Variants in ADGRA3 observed in about 807,000 individuals in gnomAD.
ADGRA3 encodes G-protein coupled receptor 125.
ADGRA3 carries 56 observed loss-of-function variants against 119.8 expected under a neutral mutation model. The ratio of observed to expected loss-of-function variants is 0.47; its 90% CI spans 0.38 to 0.58. ADGRA3 has a LOEUF of 0.58. ADGRA3 is among the 20% of genes least tolerant of loss of function. The pLI, the probability that ADGRA3 is intolerant of heterozygous loss-of-function variation, is 0.00. For synonymous variants in ADGRA3, 607 were observed against 623.8 expected, an observed-to-expected ratio of 0.97 and a Z score of 0.40; for missense variants, 1,516 against 1,649.0, an observed-to-expected ratio of 0.92 and a Z score of 1.40.
chr4:22,431,129 T>C (rs1215191985), intron 10 of ADGRA3, among the ~76,000 whole-genome samples: 1 of 151,716 alleles, frequency 6.6e-6, no homozygotes, highest in South Asian at 2.1e-4. Flanking sequence ...GCTAGGGGAG[T>C]GCAGAAGGGA....
At chr4:22,502,734 A>G (rs1719093233) in intron 1 of ADGRA3, among the ~76,000 whole-genome samples, 1 of 152,078 alleles carries the variant, frequency 6.6e-6, no homozygotes, top group Non-Finnish European at 1.5e-5. Context: ...GAAAAAAAAA[A>G]ATCTGGGTGA....
chr4:22,495,297 C>A (rs141128502), intron 1 of ADGRA3, among the ~76,000 whole-genome samples: 2 of 152,028 alleles, frequency 1.3e-5, no homozygotes, highest in Non-Finnish European at 2.9e-5. Context: ...CTTATGGCTG[C>A]GCACAGTGGC....
At chr4:22,468,224 T>C (rs1717731196) in intron 2 of ADGRA3, among the ~76,000 whole-genome samples, 1 of 152,190 alleles carries the variant, frequency 6.6e-6, no homozygotes, top group Non-Finnish European at 1.5e-5. Context: ...TAGGAAATCT[T>C]TCTCCAAACC....
At chr4:22,514,818 G>A (rs1009041851) in intron 1 of ADGRA3, among the ~76,000 whole-genome samples, 2 of 152,098 alleles carry the variant, frequency 1.3e-5, no homozygotes. Flanking sequence ...TTCCTTCCAG[G>A]TGGAAACTCA....
intron 1 of ADGRA3, among the ~76,000 whole-genome samples, chr4:22,500,562 C>T (rs780030670): frequency 2.6e-5 from 4 of 151,988 alleles, no homozygotes; most frequent in Admixed American, 6.6e-5. Context: ...TGGGAGTTCA[C>T]GAATATTACC....
At chr4:22,389,476 T>C (rs943604606) in intron 17 of ADGRA3, among the ~76,000 whole-genome samples, 6 of 151,892 alleles carry the variant, frequency 4.0e-5, no homozygotes, top group Non-Finnish European at 5.9e-5. Flanking sequence ...AGCCTGCTGG[T>C]AGGATTTCAG....
chr4:22,486,435 CATT>C (rs1718435580), intron 1 of ADGRA3, among the ~76,000 whole-genome samples: 1 of 152,092 alleles, frequency 6.6e-6, no homozygotes, highest in South Asian at 2.1e-4. Flanking sequence ...AAAGCTTGAC[CATT>C]ATTACTTTTA....
rs542584025 is a variant in ADGRA3 at position 22,443,342 on chromosome 4, C to T, written c.707-479G>A. On this transcript the variant is annotated intron_variant, in intron 6 of 18. Coordinates refer to ENST00000334304, the MANE Select transcript of ADGRA3 (RefSeq NM_145290.4). The stretch of plus-strand genomic sequence containing the variant: ...AACAGTATGTTAAGATCCCATATAC[C>T]GTAAACAGTTTTTAATCAGTTTTTT... Among the ~76,000 whole-genome samples, 12 of 152,066 alleles carry T rather than the reference C, an allele frequency of 7.9e-5. 1 individual carries two copies. The South Asian group carries it at 2.1e-3, about 26-fold the overall frequency.
chr4:22,514,394 C>T (rs1232858498), intron 1 of ADGRA3: 2 of 152,100 alleles, frequency 1.3e-5, no homozygotes, highest in Non-Finnish European at 2.9e-5. Context: ...CATGGTTAAA[C>T]GTTTCCTAAT....
chr4:22,473,970 G>A (rs749212749), intron 1 of ADGRA3, 127 bp from the exon 2 acceptor site: 89 of 529,182 alleles, frequency 1.7e-4, no homozygotes, highest in Middle Eastern at 9.3e-4. Context: ...TGTTTGAGAT[G>A]GCTGAAAAAA....
chr4:22,400,620 A>T lies in ADGRA3; in HGVS notation c.2481+811T>A, dbSNP rs959857200. Among the ~76,000 whole-genome samples, 18 of 152,310 alleles carry T rather than the reference A, an allele frequency of 1.2e-4. No individual in the cohort carries two copies. The East Asian group carries it at 3.3e-3, about 28-fold the overall frequency. ...GAAAAGTTCTAGGTATCTGCTGTAC[A>T]ATGTTGTGCTTACAGGTAACAATAC... is the stretch of plus-strand genomic sequence containing the variant. On this transcript the variant is annotated intron_variant, in intron 16 of 18. Coordinates refer to ENST00000334304, the MANE Select transcript of ADGRA3 (RefSeq NM_145290.4).
chr4:22,505,617 A>G (rs1248814978), intron 1 of ADGRA3, among the ~76,000 whole-genome samples: 5 of 151,308 alleles, frequency 3.3e-5, no homozygotes, highest in Admixed American at 3.3e-4. Flanking sequence ...ACTGCACTCC[A>G]AGCTGGGCGA....
intron 3 of ADGRA3, among the ~76,000 whole-genome samples, chr4:22,460,459 A>G (rs944814272): frequency 6.6e-6 from 1 of 152,140 alleles, no homozygotes; most frequent in African/African-American, 2.4e-5. Flanking sequence ...AGGGCTTTGG[A>G]CCCTTATCAG....
chr4:22,388,263 A>C lies in ADGRA3; in HGVS notation c.3408T>G (p.Pro1136=). 1 of 1,613,964 alleles carries C rather than the reference A, an allele frequency of 6.2e-7. No homozygotes were observed. The highest frequency in any genetic ancestry group is 2.2e-5 in the East Asian group (1 of 44,860). ...HANSLPLNST[P]QLDNSLTEHS... ...GTTCTGTCAGACTATTATCAAGCTG[A>C]GGGGTGGAGTTCAAAGGTAAAGAAT... The change falls in exon 19 of 19, where the codon CCT becomes CCG. Residue 1136 remains proline (P), a synonymous_variant. Transcript: ENST00000334304.
At chr4:22,496,412 A>T (rs1348354000) in intron 1 of ADGRA3, among the ~76,000 whole-genome samples, 1 of 152,164 alleles carries the variant, frequency 6.6e-6, no homozygotes, top group Non-Finnish European at 1.5e-5. Context: ...TTACCACAGG[A>T]TCTGGCACAC....
At chr4:22,443,027 G>A (rs568028035) in intron 6 of ADGRA3, 164 bp from the exon 7 acceptor site, 1 of 686,932 alleles carries the variant, frequency 1.5e-6, no homozygotes, top group African/African-American at 1.8e-5. Flanking sequence ...TGAGTTTAGT[G>A]ATAACAGATT....
At position 22,413,403 on chromosome 4, in the gene ADGRA3, G is replaced by A. The variant is rs9790838; in HGVS notation, c.2024-13C>T. On this transcript the variant is annotated splice_polypyrimidine_tract_variant and intron_variant, in intron 13 of 18. Transcript: ENST00000334304. ...ACATTCACACCATCTGGAGAAAATG[G>A]GAAATAAAAATATTTCTGAAACAAA... is the stretch of plus-strand genomic sequence containing the variant. The A allele has an allele frequency of 0.024, 38,783 of 1,605,170 alleles. 619 individuals are homozygous for A. The highest frequency in any genetic ancestry group is 0.11 in the Middle Eastern group (650 of 6,034).
chr4:22,490,454 T>A (rs79405425), intron 1 of ADGRA3, among the ~76,000 whole-genome samples: 2,755 of 152,240 alleles, frequency 0.018, 37 homozygotes, highest in Middle Eastern at 0.061. Flanking sequence ...CTTATAGGAG[T>A]CTGAGTCTCT....
Position 22,461,772 on chromosome 4 carries a change from T to G in ADGRA3, c.366A>C (p.Pro122=). 1.9e-6 allele frequency: 3 copies of G among 1,609,460 alleles called. No individual in the cohort carries two copies. Among genetic ancestry groups the G allele is most frequent in the Non-Finnish European group, 2.5e-6 (3 of 1,176,996 alleles). Residue 122 remains proline (P), a synonymous_variant, in exon 3 of 19, where the codon CCA becomes CCC. Transcript: ENST00000334304. ...GAGATGACAGTCCCCAGAAGGCACC[T>G]GGATCTATACTACTAATAAGATTGT... ...LRNNLISSID[P]GAFWGLSSLK... is the part of the protein sequence containing the mutation.
Sources: gnomAD v4.1 joint callset for allele counts (sites outside exome capture counted in the v4.1 genomes callset) on GRCh38, gnomAD v4.1.1 for gene constraint, MANE v1.5 for transcripts, NCBI Gene and HGNC (gene_info 2026-07-23, HGNC 2026-07-21) for gene names.